The following ROBO2 variants were observed in gnomAD, a reference collection of about 807,000 sequenced individuals.
ROBO2 encodes the protein roundabout homolog 2.
ROBO2 carries 53 observed loss-of-function variants against 160.8 expected under a neutral mutation model. The observed-to-expected ratio is 0.33, with a 90% confidence interval of 0.26 to 0.41. ROBO2 has a LOEUF of 0.41. ROBO2 is among the 10% of genes least tolerant of loss of function. The pLI is 1.00. For synonymous variants in ROBO2, 664 were observed against 611.7 expected, an observed-to-expected ratio of 1.09 and a Z score of -1.26; for missense variants, 1,577 against 1,722.4, an observed-to-expected ratio of 0.92 and a Z score of 1.49.
At chr3:76,294,507 T>C (rs192621383) in intron 2 of ROBO2, among the ~76,000 whole-genome samples, 1 of 152,294 alleles carries the variant, frequency 6.6e-6, no homozygotes, top group East Asian at 1.9e-4. Flanking sequence ...TTTAGCCAGA[T>C]GCTATTTTCC....
intron 2 of ROBO2, among the ~76,000 whole-genome samples, chr3:75,990,801 A>T (rs1403501972): frequency 2.6e-5 from 4 of 152,292 alleles, no homozygotes; most frequent in Non-Finnish European, 4.4e-5. Context: ...CCTAAGGAAT[A>T]CCCAGGGAGC....
rs147988026 is a variant in ROBO2, at chr3:76,261,251, A to G, written c.109+323649A>G. ...TTCCTATGAATTCTAATATAAAGAG[A>G]GCTCTTCTGTTTGAAGTGGTGGAAG... On this transcript the variant is annotated intron_variant, in intron 2 of 26. Coordinates refer to the ROBO2 transcript ENST00000487694. Among the ~76,000 whole-genome samples the G allele has an allele frequency of 4.4e-4, 67 of 151,236 alleles. No homozygotes were observed. In the East Asian group the frequency reaches 0.012, roughly 28 times the overall value.
chr3:76,965,597 C>G (rs2080005961), intron 2 of ROBO2, among the ~76,000 whole-genome samples: 1 of 150,792 alleles, frequency 6.6e-6, no homozygotes, highest in Admixed American at 6.6e-5. Context: ...TGTTTCTACA[C>G]TTAATACATA....
intron 2 of ROBO2, among the ~76,000 whole-genome samples, chr3:76,749,897 C>T (rs9865732): frequency 0.65 from 98,184 of 151,882 alleles, 31,895 homozygotes; most frequent in African/African-American, 0.71. Context: ...ATTCCTTCTG[C>T]AACTATTCCA....
chr3:75,938,075 A>T (rs1162859894), intron 2 of ROBO2, among the ~76,000 whole-genome samples: 1 of 151,708 alleles, frequency 6.6e-6, no homozygotes, highest in Non-Finnish European at 1.5e-5. Context: ...TTCTTAAAGG[A>T]TGTGATGTTC....
At chr3:76,402,407 C>A (rs1012838033) in intron 2 of ROBO2, among the ~76,000 whole-genome samples, 1 of 150,286 alleles carries the variant, frequency 6.7e-6, no homozygotes, top group Non-Finnish European at 1.5e-5. Flanking sequence ...ATTAAATATT[C>A]TCTTTTACTC....
chr3:77,039,105 T>C (rs1467905210), upstream of ROBO2, among the ~76,000 whole-genome samples: 5 of 152,072 alleles, frequency 3.3e-5, no homozygotes, highest in Non-Finnish European at 7.4e-5. Context: ...CTGCCTCCCC[T>C]TCCTCCTTCC....
chr3:76,209,753 G>C (rs1307738077), intron 2 of ROBO2, among the ~76,000 whole-genome samples: 2 of 152,160 alleles, frequency 1.3e-5, no homozygotes, highest in Non-Finnish European at 2.9e-5. Context: ...TTTCATAGCA[G>C]CTGGGGATTA....
At chr3:76,517,036 G>C (rs1295933956) in intron 2 of ROBO2, among the ~76,000 whole-genome samples, 2 of 152,136 alleles carry the variant, frequency 1.3e-5, no homozygotes, top group African/African-American at 2.4e-5. Context: ...CTTTTATCTA[G>C]GTAGTTTTGA....
Position 76,391,099 on chromosome 3 carries a change from T to C in ROBO2, c.109+453497T>C, listed in dbSNP as rs190294381. Among the ~76,000 whole-genome samples the C allele has an allele frequency of 5.6e-3, 845 of 152,050 alleles. 6 individuals carry two copies. The highest frequency in any genetic ancestry group is 0.019 in the African/African-American group (799 of 41,486). The stretch of plus-strand genomic sequence containing the variant: ...TTCAATTAATATGTTATAATAAATA[T>C]TATAAATATTAGATATTATTATCAT... On this transcript the variant is annotated intron_variant, in intron 2 of 26. Transcript: ENST00000487694.
intron 2 of ROBO2, among the ~76,000 whole-genome samples, chr3:77,382,913 A>G (rs2073694800): frequency 6.6e-6 from 1 of 152,102 alleles, no homozygotes; most frequent in Non-Finnish European, 1.5e-5. Context: ...TCTATTTGTA[A>G]TGTTTCATTC....
At chr3:76,707,299 G>T (rs147502874) in intron 2 of ROBO2, among the ~76,000 whole-genome samples, 2 of 152,090 alleles carry the variant, frequency 1.3e-5, no homozygotes, top group Non-Finnish European at 2.9e-5. Context: ...TAAAAAGTTT[G>T]TACCTGAGAA....
At chr3:77,044,664 G>C (rs1017990174) in intron 1 of ROBO2, among the ~76,000 whole-genome samples, 6 of 152,040 alleles carry the variant, frequency 3.9e-5, no homozygotes, top group Non-Finnish European at 5.9e-5. Flanking sequence ...GGAAAAATGT[G>C]AATAATATTT....
chr3:77,186,052 G>T, intron 2 of ROBO2, among the ~76,000 whole-genome samples: 1 of 151,970 alleles, frequency 6.6e-6, no homozygotes, highest in Non-Finnish European at 1.5e-5. Context: ...GGGGATGAAG[G>T]ATAAAAGACT....
At chr3:76,122,833 A>G (rs762087879) in intron 2 of ROBO2, among the ~76,000 whole-genome samples, 16 of 152,070 alleles carry the variant, frequency 1.1e-4, no homozygotes, top group Non-Finnish European at 1.9e-4. Flanking sequence ...CCCTTCTTCA[A>G]TTGTCTGATG....
intron 2 of ROBO2, among the ~76,000 whole-genome samples, chr3:76,800,901 T>C (rs1157622657): frequency 6.6e-6 from 1 of 152,204 alleles, no homozygotes; most frequent in African/African-American, 2.4e-5. Context: ...CAGCTAGGTA[T>C]ACCCCCTGCA....
At chr3:77,307,956 C>G (rs1415474975) in intron 2 of ROBO2, among the ~76,000 whole-genome samples, 1 of 148,634 alleles carries the variant, frequency 6.7e-6, no homozygotes, top group Non-Finnish European at 1.5e-5. Flanking sequence ...AAACTTGTCT[C>G]AAAAAAAGAA....
At chr3:77,077,730 G>C (rs2068161688) in intron 1 of ROBO2, among the ~76,000 whole-genome samples, 1 of 152,164 alleles carries the variant, frequency 6.6e-6, no homozygotes, top group Admixed American at 6.5e-5. Flanking sequence ...TATACACACA[G>C]GTATGTTCTT....
At chr3:77,309,711 T>C (rs1027062185) in intron 2 of ROBO2, among the ~76,000 whole-genome samples, 2 of 152,194 alleles carry the variant, frequency 1.3e-5, no homozygotes, top group Admixed American at 6.5e-5. Context: ...ACATCATCCT[T>C]CTCTTCTTTA....
Sources: allele counts gnomAD v4.1 joint callset (sites outside exome capture counted in the v4.1 genomes callset), GRCh38; gene constraint gnomAD v4.1.1; transcripts MANE v1.5; gene names NCBI Gene and HGNC (gene_info 2026-07-23, HGNC 2026-07-21).